Variants in KCNJ6 observed in about 807,000 individuals in gnomAD.
The protein encoded by KCNJ6 is potassium inwardly rectifying channel subfamily J member 6, also known as G protein-activated inward rectifier potassium channel 2.
Under a neutral mutation model 34.2 loss-of-function variants are expected in KCNJ6, and 9 were observed. The observed-to-expected ratio is 0.26, with a 90% confidence interval of 0.16 to 0.46. The LOEUF is 0.46. KCNJ6 is among the 20% of genes least tolerant of loss of function. The probability of loss-of-function intolerance (pLI) is 1.00; values close to 1 mark genes in which losing one functional copy is unlikely to be tolerated. For missense variants in KCNJ6, 236 were observed against 531.3 expected, an observed-to-expected ratio of 0.44 and a Z score of 5.46; for synonymous variants, 196 against 207.1, an observed-to-expected ratio of 0.95 and a Z score of 0.46.
intron 3 of KCNJ6, among the ~76,000 whole-genome samples, chr21:37,678,560 G>T (rs914107833): frequency 1.3e-5 from 2 of 152,224 alleles, no homozygotes; most frequent in Non-Finnish European, 2.9e-5. Context: ...AGCTCTGAGG[G>T]AAGGAGCCTG....
At chr21:37,731,511 T>A (rs2054885286) in intron 2 of KCNJ6, among the ~76,000 whole-genome samples, 1 of 152,196 alleles carries the variant, frequency 6.6e-6, no homozygotes, top group Non-Finnish European at 1.5e-5. Context: ...ACATCTGTTT[T>A]CAGCTTTATT....
At position 37,608,861 on chromosome 21, in the gene KCNJ6, C is replaced by A. The variant is rs116660450; in HGVS notation, c.*16298G>T. 2.3e-4 allele frequency: 35 copies of A among 152,286 alleles called. No homozygotes were observed. The highest frequency in any genetic ancestry group is 7.9e-4 in the African/African-American group (33 of 41,542). 9.4% of individuals were successfully genotyped at this position (152,286 alleles called of 1,614,324 possible). A position where few individuals can be genotyped will look rare whatever the true frequency, so the allele number is the denominator to read the frequency against. On this transcript the variant is annotated 3_prime_UTR_variant, in exon 4 of 4. Transcript: ENST00000609713. ...GTTCACTGAGTGCTCATGGCCAGCA[C>A]TCAGGCAAGTGAATACACATTTGGA... is the stretch of plus-strand genomic sequence containing the variant.
intron 3 of KCNJ6, among the ~76,000 whole-genome samples, chr21:37,635,999 A>G (rs1490182170): frequency 1.3e-5 from 2 of 152,214 alleles, no homozygotes; most frequent in African/African-American, 2.4e-5. Context: ...ACCATTAACT[A>G]TTCACGTATT....
chr21:37,637,699 G>A (rs1268386006), intron 3 of KCNJ6, among the ~76,000 whole-genome samples: 1 of 152,178 alleles, frequency 6.6e-6, no homozygotes, highest in East Asian at 1.9e-4. Flanking sequence ...CATATTCAAA[G>A]CCCTGACCTC....
rs571628266 is a variant in KCNJ6 at position 37,890,215 on chromosome 21, G to A, written c.-28+25669C>T. ...GAAGCAAGCACATCCTTCTTCACAC[G>A]GCAACAGGAGGGAGAAGTGCCAAGC... On this transcript the variant is annotated intron_variant, in intron 1 of 3. Coordinates refer to ENST00000609713, the MANE Select transcript of KCNJ6 (RefSeq NM_002240.5). Among the ~76,000 whole-genome samples, 6 of 152,122 alleles carry A rather than the reference G, an allele frequency of 3.9e-5. No homozygotes were observed. In the East Asian group the frequency reaches 9.7e-4, roughly 25 times the overall value.
intron 2 of KCNJ6, among the ~76,000 whole-genome samples, chr21:37,752,426 C>T (rs1481920620): frequency 6.6e-6 from 1 of 152,172 alleles, no homozygotes; most frequent in African/African-American, 2.4e-5. Flanking sequence ...GTCAAACCTT[C>T]TCTCCCAGGA....
rs3787867 is a variant in KCNJ6 at position 37,905,475 on chromosome 21, C to T, written c.-28+10409G>A. Among the ~76,000 whole-genome samples the T allele has an allele frequency of 5.1e-3, 772 of 152,232 alleles. 29 individuals carry two copies. In the South Asian group the frequency reaches 0.075, roughly 15 times the overall value. On this transcript the variant is annotated intron_variant, in intron 1 of 3. Transcript: ENST00000609713. ...CCCTATATATATGTAATGGCAAAAC[C>T]GCAATTACTTTTGCACCAACCTATA...
intron 2 of KCNJ6, among the ~76,000 whole-genome samples, chr21:37,731,035 C>T (rs903698671): frequency 6.6e-6 from 1 of 152,138 alleles, no homozygotes; most frequent in East Asian, 1.9e-4. Flanking sequence ...TTGAACCCTC[C>T]ATCAAGTTGG....
At chr21:37,647,689 C>T (rs1399867169) in intron 3 of KCNJ6, among the ~76,000 whole-genome samples, 2 of 152,170 alleles carry the variant, frequency 1.3e-5, no homozygotes, top group Non-Finnish European at 2.9e-5. Flanking sequence ...CCTAAGCCTG[C>T]TGACCAGCAT....
chr21:37,792,781 G>GGC (rs2055222874), intron 2 of KCNJ6, among the ~76,000 whole-genome samples: 1 of 152,202 alleles, frequency 6.6e-6, no homozygotes, highest in Non-Finnish European at 1.5e-5. Context: ...TTCCAGTAAA[G>GGC]ATTACAGGAC....
intron 2 of KCNJ6, among the ~76,000 whole-genome samples, chr21:37,718,857 AC>A (rs1253944157): frequency 2.6e-5 from 4 of 152,222 alleles, no homozygotes; most frequent in African/African-American, 9.7e-5. Flanking sequence ...CAAAAAAACA[AC>A]AAAAATTTCA....
chr21:37,867,747 C>T (rs2836028), intron 1 of KCNJ6, among the ~76,000 whole-genome samples: 47,285 of 152,068 alleles, frequency 0.31, 8,523 homozygotes, highest in African/African-American at 0.5. Context: ...GAAGGTTACA[C>T]GGTAAATATA....
chr21:37,737,215 G>A (rs1284309355), intron 2 of KCNJ6, among the ~76,000 whole-genome samples: 1 of 152,168 alleles, frequency 6.6e-6, no homozygotes. Flanking sequence ...GGGTATATGT[G>A]CTACAGGAGT....
chr21:37,638,370 C>A (rs955685690), intron 3 of KCNJ6, among the ~76,000 whole-genome samples: 2 of 152,134 alleles, frequency 1.3e-5, no homozygotes, highest in African/African-American at 4.8e-5. Flanking sequence ...TGGTCTTGAA[C>A]TTCCGACCTC....
chr21:37,809,133 C>T (rs1320413774), intron 2 of KCNJ6, among the ~76,000 whole-genome samples: 4 of 152,176 alleles, frequency 2.6e-5, no homozygotes, highest in Non-Finnish European at 5.9e-5. Context: ...CCCAAATGTC[C>T]AACAACGATA....
intron 1 of KCNJ6, among the ~76,000 whole-genome samples, chr21:37,903,260 C>T (rs750799275): frequency 3.3e-5 from 5 of 152,148 alleles, no homozygotes; most frequent in Non-Finnish European, 5.9e-5. Flanking sequence ...CCTACTGTCT[C>T]ATGGTAGTGA....
chr21:37,672,667 A>G (rs2054547362), intron 3 of KCNJ6, among the ~76,000 whole-genome samples: 1 of 152,156 alleles, frequency 6.6e-6, no homozygotes, highest in South Asian at 2.1e-4. Context: ...CTTTTTACCT[A>G]ATCAAAAAGG....
Position 37,738,297 on chromosome 21 carries a change from G to A in KCNJ6, c.26-23166C>T, listed in dbSNP as rs1424344891. Among the ~76,000 whole-genome samples the A allele has an allele frequency of 2.6e-5, 4 of 151,726 alleles. No individual in the cohort carries two copies. The East Asian group carries it at 7.8e-4, about 30-fold the overall frequency. On this transcript the variant is annotated intron_variant, in intron 2 of 3. Transcript: ENST00000609713. ...TGCTGTTTGGGTTTCATGCACTTGGGATATAGTCCTTTTAAAATTACATTT... is the reference window on the plus strand; with the variant it reads ...TGCTGTTTGGGTTTCATGCACTTGGAATATAGTCCTTTTAAAATTACATTT...
intron 3 of KCNJ6, among the ~76,000 whole-genome samples, chr21:37,704,504 A>C (rs771861782): frequency 2.6e-5 from 4 of 152,108 alleles, no homozygotes; most frequent in Non-Finnish European, 2.9e-5. Flanking sequence ...CTCTAATCCC[A>C]TTACTCATCA....
Sources: gnomAD v4.1 joint callset for allele counts (sites outside exome capture counted in the v4.1 genomes callset) on GRCh38, gnomAD v4.1.1 for gene constraint, MANE v1.5 for transcripts, NCBI Gene and HGNC (gene_info 2026-07-23, HGNC 2026-07-21) for gene names.